The following DOCK9 variants were observed in gnomAD, a reference collection of about 807,000 sequenced individuals.
DOCK9 encodes the protein dedicator of cytokinesis 9.
A neutral mutation model predicts 263.3 loss-of-function variants in DOCK9; 89 were observed. The observed-to-expected ratio is 0.34, with a 90% CI of 0.28 to 0.40. DOCK9 has a LOEUF of 0.40. Among genes scored for constraint, DOCK9 ranks in the 10% least tolerant of loss-of-function variants. The pLI is 1.00. For synonymous variants in DOCK9, 976 were observed against 973.1 expected, an observed-to-expected ratio of 1.00 and a Z score of -0.06; for missense variants, 2,140 against 2,603.4, an observed-to-expected ratio of 0.82 and a Z score of 3.87.
At chr13:98,922,002 G>A (rs1268599552) in intron 6 of DOCK9, 49 bp downstream of exon 6, 7 of 1,423,292 alleles carry the variant, frequency 4.9e-6, no homozygotes, top group African/African-American at 4.2e-5. Context: ...CGAGCTCTAT[G>A]GCAGAAAGGG....
At chr13:98,892,384 C>A (rs1304764012) in intron 15 of DOCK9, among the ~76,000 whole-genome samples, 1 of 151,896 alleles carries the variant, frequency 6.6e-6, no homozygotes, top group Non-Finnish European at 1.5e-5. Context: ...TGTATTGGCT[C>A]GTTAAAATGA....
chr13:98,860,882 C>A (rs79996737), intron 32 of DOCK9, among the ~76,000 whole-genome samples: 8,969 of 152,216 alleles, frequency 0.059, 680 homozygotes, highest in African/African-American at 0.17. Flanking sequence ...GAAAGCCTCC[C>A]CTGCTCTTTC....
At chr13:99,041,585 G>C (rs1388488404) in intron 1 of DOCK9, among the ~76,000 whole-genome samples, 1 of 152,138 alleles carries the variant, frequency 6.6e-6, no homozygotes, top group Non-Finnish European at 1.5e-5. Flanking sequence ...GGTTCCTGAA[G>C]TACACTTCCT....
intron 9 of DOCK9, among the ~76,000 whole-genome samples, chr13:98,909,054 C>T (rs1037002247): frequency 6.6e-6 from 1 of 152,088 alleles, no homozygotes; most frequent in African/African-American, 2.4e-5. Context: ...CTGGCTTTTC[C>T]CCAGACACCC....
At chr13:98,834,257 T>C (rs1359653476) in intron 39 of DOCK9, 3 of 152,212 alleles carry the variant, frequency 2.0e-5, no homozygotes, top group Admixed American at 1.3e-4. Context: ...CAAAATGAGG[T>C]AACTGGAACG....
At chr13:98,848,496 C>A in intron 37 of DOCK9, 96 bp downstream of exon 37, 1 of 1,342,606 alleles carries the variant, frequency 7.4e-7, no homozygotes, top group Non-Finnish European at 1.0e-6. Flanking sequence ...CTTCCATGAA[C>A]CCCAACTGCC....
chr13:98,813,393 T>A (rs2091503628), intron 45 of DOCK9, among the ~76,000 whole-genome samples: 1 of 152,160 alleles, frequency 6.6e-6, no homozygotes. Context: ...AGGAAGTTCC[T>A]TCTATTTCTC....
At position 98,829,432 on chromosome 13, in the gene DOCK9, C is replaced by T. The variant is rs540651708; in HGVS notation, c.4840G>A (p.Asp1614Asn). Residue 1614 changes from aspartate (D) to asparagine (N), a missense_variant, in exon 43 of 53, where the codon GAC becomes AAC. Physicochemically the swap from Asp to Asn is conservative, Grantham distance 23. Coordinates refer to ENST00000682017, the MANE Select transcript of DOCK9 (RefSeq NM_001366683.2). The surrounding 1 kb of genome is among the most constrained non-coding windows in gnomAD (Gnocchi z 4.1). The part of the protein sequence containing the change: ...ATAQMKEHEN[D>N]PEMLVDLQYS... ...TGGAGGTCCACCAGCATCTCTGGGT[C>T]GTTCTCATGCTCCTTCATCTGGGCG... is the stretch of plus-strand genomic sequence containing the variant. 1.7e-5 allele frequency: 27 copies of T among 1,613,906 alleles called. No individual in the cohort carries two copies. The highest frequency in any genetic ancestry group is 1.6e-4 in the Middle Eastern group (1 of 6,062).
intron 14 of DOCK9, 78 bp from the exon 15 acceptor site, chr13:98,897,688 T>C: frequency 3.2e-6 from 5 of 1,556,924 alleles, no homozygotes; most frequent in Non-Finnish European, 4.3e-6. Flanking sequence ...CTAGTTTCTA[T>C]GAGAAGTCTA....
At chr13:98,991,359 C>T (rs1425189149) in intron 1 of DOCK9, among the ~76,000 whole-genome samples, 2 of 152,092 alleles carry the variant, frequency 1.3e-5, no homozygotes, top group Non-Finnish European at 1.5e-5. Context: ...CGCGAGCCAC[C>T]GCACTCGGCC....
At position 98,888,711 on chromosome 13, in the gene DOCK9, T is replaced by C; in HGVS notation, c.1710A>G (p.Lys570=). ...CTGGGAGCTTAGCCATCTTCTCAGGTCTGCAAACAAAAGAAGAGAAAAATT... is the reference window on the plus strand; with the variant it reads ...CTGGGAGCTTAGCCATCTTCTCAGGCCTGCAAACAAAAGAAGAGAAAAATT... ...DMLKLLADFR[K]PEKMAKLPVI... Residue 570 remains lysine (K), a splice_region_variant and synonymous_variant, in exon 16 of 53, where the codon AAA becomes AAG. Transcript: ENST00000682017. The C allele has an allele frequency of 1.9e-6, 3 of 1,612,804 alleles. No individual in the cohort carries two copies.
At chr13:99,003,069 A>G (rs1882685727) in intron 1 of DOCK9, among the ~76,000 whole-genome samples, 1 of 152,192 alleles carries the variant, frequency 6.6e-6, no homozygotes, top group South Asian at 2.1e-4. Context: ...TCAATGATCA[A>G]TTCTTTCCCC....
chr13:99,086,251 G>A (rs2142529233), exon 1 of DOCK9: 2 of 1,503,112 alleles, frequency 1.3e-6, no homozygotes, highest in East Asian at 2.8e-5. Context: ...CACCACCTCA[G>A]ACACGCTCTG....
At chr13:98,949,016 T>C (rs1595566809) in intron 2 of DOCK9, among the ~76,000 whole-genome samples, 1 of 152,182 alleles carries the variant, frequency 6.6e-6, no homozygotes, top group Non-Finnish European at 1.5e-5. Context: ...TCAATAGGGG[T>C]GAACAAATCT....
At chr13:98,961,559 A>G (rs2058645082) in intron 1 of DOCK9, among the ~76,000 whole-genome samples, 1 of 152,162 alleles carries the variant, frequency 6.6e-6, no homozygotes, top group South Asian at 2.1e-4. Context: ...CCTCCCCACA[A>G]AGGTGGCCTT....
chr13:99,033,754 T>C (rs1461044968), intron 1 of DOCK9, among the ~76,000 whole-genome samples: 1 of 152,224 alleles, frequency 6.6e-6, no homozygotes, highest in East Asian at 1.9e-4. Flanking sequence ...GAACTAGGAC[T>C]TCTACTCTCA....
intron 27 of DOCK9, among the ~76,000 whole-genome samples, chr13:98,870,472 G>A (rs1035691576): frequency 2.0e-5 from 3 of 152,074 alleles, no homozygotes; most frequent in African/African-American, 4.8e-5. Context: ...TCTAACCCCC[G>A]GCATGACTGC....
intron 1 of DOCK9, among the ~76,000 whole-genome samples, chr13:99,062,731 G>A (rs1318580519): frequency 2.0e-5 from 3 of 152,132 alleles, no homozygotes; most frequent in Admixed American, 1.3e-4. Context: ...TTACTCCTGC[G>A]AGGGAAAACA....
At position 98,829,195 on chromosome 13, in the gene DOCK9, T is replaced by G; in HGVS notation, c.4965+112A>C. ...CATACTGTTTAAAGTTTTGCATACT[T>G]TTAATTGGTTTTTGATTAATGGAAT... On this transcript the variant is annotated intron_variant, in intron 43 of 52. Transcript: ENST00000682017. This position sits in a 1 kb window ranked among gnomAD's most constrained non-coding sequence, Gnocchi z 4.1. 2.0e-6 allele frequency: 2 copies of G among 978,928 alleles called. No homozygotes were observed. Among genetic ancestry groups the G allele is most frequent in the Non-Finnish European group, 1.5e-6 (1 of 670,184 alleles). 60.6% of individuals were successfully genotyped at this position (978,928 alleles called of 1,614,324 possible). A position where few individuals can be genotyped will look rare whatever the true frequency, so the allele number is the denominator to read the frequency against.
Sources: gnomAD v4.1 joint callset for allele counts (sites outside exome capture counted in the v4.1 genomes callset) on GRCh38, gnomAD v4.1.1 for gene constraint, Gnocchi (gnomAD v3.1) non-coding constraint, MANE v1.5 for transcripts, NCBI Gene and HGNC (gene_info 2026-07-23, HGNC 2026-07-21) for gene names.